The following LHFPL3 variants were observed in gnomAD, a reference collection of about 807,000 sequenced individuals.
LHFPL3 encodes LHFPL tetraspan subfamily member 3 protein.
A neutral mutation model predicts 19.3 loss-of-function variants in LHFPL3; 5 were observed. The ratio of observed to expected loss-of-function variants is 0.26; its 90% CI spans 0.14 to 0.54. The LOEUF (loss-of-function observed/expected upper bound fraction) is 0.54. Ranked by LOEUF, LHFPL3 falls within the 20% of genes least tolerant of loss-of-function variation. The pLI is 0.94. For synonymous variants in LHFPL3, 133 were observed against 126.2 expected, an observed-to-expected ratio of 1.05 and a Z score of -0.36; for missense variants, 249 against 307.4, an observed-to-expected ratio of 0.81 and a Z score of 1.42.
At chr7:104,349,299 G>C (rs968841370) in intron 1 of LHFPL3, among the ~76,000 whole-genome samples, 12 of 152,150 alleles carry the variant, frequency 7.9e-5, no homozygotes, top group Non-Finnish European at 1.5e-5. Context: ...TTATAAAATA[G>C]TTGTCTTACC....
intron 1 of LHFPL3, among the ~76,000 whole-genome samples, chr7:104,736,407 T>G (rs1562977047): frequency 6.6e-6 from 1 of 152,122 alleles, no homozygotes; most frequent in East Asian, 1.9e-4. Context: ...TCGGGATGCT[T>G]GCGTTCACTG....
At position 104,470,510 on chromosome 7, in the gene LHFPL3, G is replaced by A. The variant is rs143664175; in HGVS notation, c.445+141286G>A. On this transcript the variant is annotated intron_variant, in intron 1 of 2. Transcript: ENST00000424859. The stretch of plus-strand genomic sequence containing the variant: ...ATGACCATCTCCATGCTTTGTCCAC[G>A]AACAGTACCAGCATGTTATATTTCA... Among the ~76,000 whole-genome samples the A allele has an allele frequency of 5.9e-5, 9 of 152,240 alleles. No individual in the cohort carries two copies. In the East Asian group the frequency reaches 7.7e-4, roughly 13 times the overall value.
intron 1 of LHFPL3, among the ~76,000 whole-genome samples, chr7:104,495,599 G>A (rs1206127898): frequency 1.3e-5 from 2 of 152,104 alleles, no homozygotes; most frequent in Non-Finnish European, 2.9e-5. Flanking sequence ...TAGCCAGGAT[G>A]GTCTCCATCT....
intron 1 of LHFPL3, among the ~76,000 whole-genome samples, chr7:104,418,442 G>A (rs925369973): frequency 1.3e-5 from 2 of 152,096 alleles, no homozygotes; most frequent in South Asian, 2.1e-4. Flanking sequence ...TGAGGCAGGA[G>A]GAACACTTGA....
intron 1 of LHFPL3, among the ~76,000 whole-genome samples, chr7:104,469,152 C>T (rs906881991): frequency 1.3e-5 from 2 of 152,124 alleles, no homozygotes; most frequent in Non-Finnish European, 2.9e-5. Context: ...AGTGCAACTT[C>T]TCTGATTTAT....
chr7:104,356,597 A>G (rs559991444), intron 1 of LHFPL3, among the ~76,000 whole-genome samples: 1 of 152,104 alleles, frequency 6.6e-6, no homozygotes, highest in Admixed American at 6.5e-5. Context: ...AAAAAGAAAA[A>G]CCCACATCTG....
At chr7:104,539,306 A>C (rs185979710) in intron 1 of LHFPL3, among the ~76,000 whole-genome samples, 1 of 152,194 alleles carries the variant, frequency 6.6e-6, no homozygotes, top group Admixed American at 6.5e-5. Flanking sequence ...AATTCAGCAA[A>C]TATTTACTTG....
At chr7:104,485,007 T>C (rs1034976526) in intron 1 of LHFPL3, among the ~76,000 whole-genome samples, 1 of 152,162 alleles carries the variant, frequency 6.6e-6, no homozygotes, top group African/African-American at 2.4e-5. Flanking sequence ...AGAGGGGCTC[T>C]CCATAGGTGA....
chr7:104,374,279 G>C (rs1320053619), intron 1 of LHFPL3, among the ~76,000 whole-genome samples: 7 of 151,348 alleles, frequency 4.6e-5, no homozygotes, highest in African/African-American at 1.7e-4. Context: ...ATCTTGCTCT[G>C]TCACCAGGCT....
In LHFPL3 at chr7:104,375,682, GA is replaced by G. The variant is rs571962210; in HGVS notation, c.445+46465del. ...TTTAGATTTGCACAGTTCAACCCTA[GA>G]AAAAAATTAATGAATTTGGTAGAGA... is the stretch of plus-strand genomic sequence containing the variant. On this transcript the variant is annotated intron_variant, in intron 1 of 2. Transcript: ENST00000424859. 2.7e-3 allele frequency among the ~76,000 whole-genome samples: 407 copies of G among 152,242 alleles called. 1 individual carries two copies. Among genetic ancestry groups the G allele is most frequent in the African/African-American group, 9.5e-3 (396 of 41,552 alleles).
chr7:104,750,162 T>G lies in LHFPL3; in HGVS notation c.682+13251T>G, dbSNP rs563921056. On this transcript the variant is annotated intron_variant, in intron 2 of 2. Transcript: ENST00000424859. ...GTAAAATCTCAGTACTTTGATACAC[T>G]TCTGAGGCTGTGCCTATGCCGACAA... Among the ~76,000 whole-genome samples the G allele has an allele frequency of 3.9e-5, 6 of 152,260 alleles. No homozygotes were observed. The South Asian group carries it at 8.3e-4, about 21-fold the overall frequency.
At chr7:104,759,240 T>C (rs1326615881) in intron 2 of LHFPL3, among the ~76,000 whole-genome samples, 2 of 152,174 alleles carry the variant, frequency 1.3e-5, no homozygotes, top group South Asian at 2.1e-4. Flanking sequence ...TGCTGGAAGA[T>C]GGAATGGGGA....
intron 1 of LHFPL3, among the ~76,000 whole-genome samples, chr7:104,504,498 T>C (rs926480971): frequency 6.6e-6 from 1 of 152,220 alleles, no homozygotes; most frequent in African/African-American, 2.4e-5. Context: ...CTCAAAAATA[T>C]CAATGTTATT....
At chr7:104,902,684 G>A (rs1179485709) in intron 2 of LHFPL3, among the ~76,000 whole-genome samples, 2 of 152,184 alleles carry the variant, frequency 1.3e-5, no homozygotes, top group Non-Finnish European at 2.9e-5. Flanking sequence ...TACTCGGGAA[G>A]CTTAGGCAGG....
At chr7:104,762,889 C>T (rs1411894229) in intron 2 of LHFPL3, among the ~76,000 whole-genome samples, 1 of 152,168 alleles carries the variant, frequency 6.6e-6, no homozygotes, top group African/African-American at 2.4e-5. Context: ...GCAGCAAGCA[C>T]ATGGACAGAG....
chr7:104,575,169 G>A (rs1014785334), intron 1 of LHFPL3, among the ~76,000 whole-genome samples: 1 of 152,140 alleles, frequency 6.6e-6, no homozygotes, highest in Non-Finnish European at 1.5e-5. Context: ...ATGTTGGAAG[G>A]AGTCTTAGAG....
chr7:104,446,113 T>G (rs1347306764), intron 1 of LHFPL3, among the ~76,000 whole-genome samples: 1 of 152,188 alleles, frequency 6.6e-6, no homozygotes, highest in Admixed American at 6.5e-5. Context: ...AATTTTTTCC[T>G]CAAGAGGCCT....
At position 104,518,707 on chromosome 7, in the gene LHFPL3, ATG is replaced by A. The variant is rs1793974076; in HGVS notation, c.445+189484_445+189485del. 2.6e-5 allele frequency among the ~76,000 whole-genome samples: 4 copies of A among 152,074 alleles called. No homozygotes were observed. The South Asian group carries it at 8.3e-4, about 31-fold the overall frequency. ...GCTGAGGCAGGAGAATCACTTGAAC[ATG>A]GGAGGTGGAGGTTGCAGTGAGCTGA... On this transcript the variant is annotated intron_variant, in intron 1 of 2. Coordinates refer to ENST00000424859, the MANE Select transcript of LHFPL3 (RefSeq NM_199000.3).
At chr7:104,827,815 A>C (rs563457192) in intron 2 of LHFPL3, among the ~76,000 whole-genome samples, 3 of 151,916 alleles carry the variant, frequency 2.0e-5, no homozygotes. Context: ...TCACCACGTG[A>C]ACTCCTTCAA....
Sources: gnomAD v4.1 joint callset for allele counts (sites outside exome capture counted in the v4.1 genomes callset) on GRCh38, gnomAD v4.1.1 for gene constraint, MANE v1.5 for transcripts, NCBI Gene and HGNC (gene_info 2026-07-23, HGNC 2026-07-21) for gene names.